RALGDS: variants seen among roughly 807,000 people sequenced by gnomAD.
The protein encoded by RALGDS is ral guanine nucleotide exchange factor.
In RALGDS, 44 loss-of-function variants were observed where a neutral mutation model predicts 99.8. The ratio of observed to expected loss-of-function variants is 0.44; its 90% CI spans 0.35 to 0.57. The LOEUF (loss-of-function observed/expected upper bound fraction) is 0.57, where lower values mean the gene tolerates loss of function less well. RALGDS is among the 20% of genes least tolerant of loss of function. The probability of loss-of-function intolerance (pLI) is 0.01; values close to 1 mark genes in which losing one functional copy is unlikely to be tolerated. For synonymous variants in RALGDS, 529 were observed against 505.0 expected (o/e 1.05, Z -0.64); for missense variants, 1,022 against 1,203.1 (o/e 0.85, Z 2.23).
chr9:133,100,470 C>T (rs1252408196), intron 16 of RALGDS, 88 bp from the exon 17 acceptor site: 1 of 1,605,842 alleles, frequency 6.2e-7, no homozygotes. Context: ...TCTGGAGTCC[C>T]CTCAGCACCA....
intron 1 of RALGDS, among the ~76,000 whole-genome samples, chr9:133,146,980 C>A (rs933332774): frequency 1.3e-5 from 2 of 152,216 alleles, no homozygotes; most frequent in Non-Finnish European, 2.9e-5. Context: ...GGGGCAGAGG[C>A]ACCCAGCTGA....
At chr9:133,107,064 C>T (rs768360740) in intron 7 of RALGDS, 21 bp downstream of exon 7, 1 of 1,612,014 alleles carries the variant, frequency 6.2e-7, no homozygotes, top group South Asian at 1.1e-5. Flanking sequence ...AGTGGGGGCC[C>T]AGGCCCCTCC....
chr9:133,138,700 T>C (rs1225264136), intron 1 of RALGDS, among the ~76,000 whole-genome samples: 1 of 152,206 alleles, frequency 6.6e-6, no homozygotes, highest in Non-Finnish European at 1.5e-5. Context: ...GCTGGAGTGA[T>C]CTCGGCTCGC....
intron 1 of RALGDS, among the ~76,000 whole-genome samples, chr9:133,138,219 C>A (rs1414097631): frequency 6.6e-6 from 1 of 152,184 alleles, no homozygotes; most frequent in Non-Finnish European, 1.5e-5. Context: ...CAGTCCTTTG[C>A]CTGCAAGAAG....
intron 1 of RALGDS, among the ~76,000 whole-genome samples, chr9:133,139,894 G>A (rs944909604): frequency 7.2e-5 from 11 of 152,170 alleles, no homozygotes; most frequent in Non-Finnish European, 1.6e-4. Flanking sequence ...TGGGGGTACA[G>A]AGGAGTTAAG....
At chr9:133,141,988 C>A (rs1378709084) in intron 1 of RALGDS, among the ~76,000 whole-genome samples, 1 of 152,244 alleles carries the variant, frequency 6.6e-6, no homozygotes, top group Non-Finnish European at 1.5e-5. Context: ...ACACGTGGTA[C>A]CCCATGGCCC....
intron 1 of RALGDS, among the ~76,000 whole-genome samples, chr9:133,136,253 G>A (rs1832423840): frequency 6.6e-6 from 1 of 152,248 alleles, no homozygotes; most frequent in African/African-American, 2.4e-5. Flanking sequence ...GGCTGATGGG[G>A]CCCATGGGGC....
At chr9:133,106,371 G>A (rs374852096) in intron 8 of RALGDS, among the ~76,000 whole-genome samples, 2 of 152,344 alleles carry the variant, frequency 1.3e-5, no homozygotes, top group African/African-American at 4.8e-5. Context: ...TGGGATTACA[G>A]GCGTTAGCCA....
intron 4 of RALGDS, among the ~76,000 whole-genome samples, 194 bp downstream of exon 4, chr9:133,109,432 G>A (rs1831230106): frequency 6.6e-6 from 1 of 152,142 alleles, no homozygotes; most frequent in Non-Finnish European, 1.5e-5. Flanking sequence ...GCCACCCCAG[G>A]ACCCCTCCAC....
At chr9:133,100,091 G>A in intron 17 of RALGDS, 177 bp downstream of exon 17, 1 of 704,294 alleles carries the variant, frequency 1.4e-6, no homozygotes, top group East Asian at 2.5e-5. Flanking sequence ...ACACTGGGGA[G>A]GTCCAGTGGT....
At chr9:133,107,003 C>T in intron 7 of RALGDS, 82 bp downstream of exon 7, 3 of 1,478,546 alleles carry the variant, frequency 2.0e-6, no homozygotes, top group African/African-American at 2.8e-5. Flanking sequence ...AGACTGGGGC[C>T]TGTACAGGGC....
intron 1 of RALGDS, among the ~76,000 whole-genome samples, chr9:133,116,975 G>A (rs1335650163): frequency 3.3e-5 from 5 of 152,236 alleles, no homozygotes; most frequent in Non-Finnish European, 1.5e-5. Flanking sequence ...TCGCAGGGGA[G>A]GGTGGCAGGG....
intron 1 of RALGDS, among the ~76,000 whole-genome samples, chr9:133,119,420 T>C (rs1831792526): frequency 1.3e-5 from 2 of 151,908 alleles, no homozygotes; most frequent in Admixed American, 1.3e-4. Context: ...TCCCCTTTGA[T>C]TTCTAAATAG....
intron 1 of RALGDS, among the ~76,000 whole-genome samples, chr9:133,147,843 G>A (rs568283568): frequency 6.6e-6 from 1 of 152,302 alleles, no homozygotes; most frequent in Admixed American, 6.5e-5. Flanking sequence ...AATTCAAGGC[G>A]CCTCAGAAGC....
chr9:133,118,149 C>T (rs1232785332), intron 1 of RALGDS, among the ~76,000 whole-genome samples: 1 of 152,182 alleles, frequency 6.6e-6, no homozygotes, highest in African/African-American at 2.4e-5. Context: ...GTCCTGGGGG[C>T]TGCCCCTTCA....
chr9:133,113,004 C>T (rs1167490340), intron 1 of RALGDS, among the ~76,000 whole-genome samples: 1 of 152,182 alleles, frequency 6.6e-6, no homozygotes, highest in Non-Finnish European at 1.5e-5. Flanking sequence ...AAGGAAAGGC[C>T]GTTGTCTTAG....
Position 133,108,243 on chromosome 9 carries a change from C to T in RALGDS, c.942G>A (p.Glu314=), listed in dbSNP as rs1187052927. ...ELEVAPAPAP[E]LQQAPEPAVG... ...CAGCTGGCTCTGGAGCCTGCTGGAG[C>T]TCCGGAGCTGGTGCTGGAGCTACTT... The change falls in exon 6 of 18, where the codon GAG becomes GAA. Residue 314 remains glutamate (E), a synonymous_variant. Transcript: ENST00000372050. 2 of 1,605,828 alleles carry T rather than the reference C, an allele frequency of 1.2e-6. No homozygotes were observed. The highest frequency in any genetic ancestry group is 1.7e-5 in the Admixed American group (1 of 58,616).
chr9:133,119,291 G>A (rs375166746), intron 1 of RALGDS, among the ~76,000 whole-genome samples: 3 of 152,200 alleles, frequency 2.0e-5, no homozygotes, highest in East Asian at 3.8e-4. Context: ...GTTGGCAGGA[G>A]GGACAGGGAC....
At chr9:133,137,125 C>T (rs937221128) in intron 1 of RALGDS, among the ~76,000 whole-genome samples, 6 of 151,916 alleles carry the variant, frequency 3.9e-5, no homozygotes, top group Admixed American at 6.6e-5. Flanking sequence ...CCCAGCTACT[C>T]GGGAGGCTGA....
Sources: allele counts gnomAD v4.1 joint callset (sites outside exome capture counted in the v4.1 genomes callset), GRCh38; gene constraint gnomAD v4.1.1; transcripts MANE v1.5; gene names NCBI Gene and HGNC (gene_info 2026-07-23, HGNC 2026-07-21).